The following NAP1L1 variants were observed in gnomAD, a reference collection of about 807,000 sequenced individuals.
NAP1L1 encodes nucleosome assembly protein 1-like 1.
In NAP1L1, 9 loss-of-function variants were observed where a neutral mutation model predicts 58.9. That is an observed-to-expected ratio of 0.15 (90% CI 0.09 to 0.27). NAP1L1 has a LOEUF of 0.27. Among genes scored for constraint, NAP1L1 ranks in the 10% least tolerant of loss-of-function variants. The pLI is 1.00. For synonymous variants in NAP1L1, 130 were observed against 138.3 expected (o/e 0.94, Z 0.42); for missense variants, 302 against 458.8 (o/e 0.66, Z 3.12).
intron 1 of NAP1L1, chr12:76,083,722 CCCTT>C (rs1555188333): frequency 1.3e-5 from 2 of 152,196 alleles, no homozygotes; most frequent in Non-Finnish European, 2.9e-5. Context: ...GCAGTGGAGG[CCCTT>C]CCTTATCATC....
At chr12:76,080,782 C>T (rs139737703) in intron 1 of NAP1L1, among the ~76,000 whole-genome samples, 90 of 152,304 alleles carry the variant, frequency 5.9e-4, no homozygotes, top group Admixed American at 1.2e-3. Flanking sequence ...GAAATTTAAT[C>T]CCCTATGTGG....
rs140657124 is a variant in NAP1L1, at chr12:76,075,345, T to C, written c.-20-1106A>G. Among the ~76,000 whole-genome samples the C allele has an allele frequency of 2.5e-3, 387 of 152,302 alleles. 5 individuals carry two copies. Among genetic ancestry groups the C allele is most frequent in the East Asian group, 5.6e-3 (29 of 5,188 alleles). On this transcript the variant is annotated intron_variant, in intron 1 of 14. Transcript: ENST00000618691. ...TATGAATAAATAGAATCAAGTTATC[T>C]GGTAAAAATTAAAATCTTAATACAT...
chr12:76,047,198 C>T lies in NAP1L1; in HGVS notation c.*1231G>A, dbSNP rs1948626776. Reference sequence around the variant, plus strand: ...TTGAGAAACATTATATGAGATTTAACTCAATATGCCTTAACACATCCATGA... The same window carrying T: ...TTGAGAAACATTATATGAGATTTAATTCAATATGCCTTAACACATCCATGA... On this transcript the variant is annotated 3_prime_UTR_variant, in exon 15 of 15. Coordinates refer to ENST00000618691, the MANE Select transcript of NAP1L1 (RefSeq NM_004537.7). 1.3e-5 allele frequency: 2 copies of T among 152,386 alleles called. No individual in the cohort carries two copies. The highest frequency in any genetic ancestry group is 2.9e-5 in the Non-Finnish European group (2 of 67,900). 9.4% of individuals were successfully genotyped at this position (152,386 alleles called of 1,614,324 possible).
At chr12:76,078,679 T>C (rs1038518354) in intron 1 of NAP1L1, among the ~76,000 whole-genome samples, 40 of 152,230 alleles carry the variant, frequency 2.6e-4, no homozygotes, top group African/African-American at 9.6e-4. Context: ...TCAAACTAAA[T>C]GGGCTGGCTT....
rs1017392388 is a variant in NAP1L1, at chr12:76,053,678, T to C, written c.770+92A>G. The C allele has an allele frequency of 1.8e-5, 25 of 1,411,096 alleles. No homozygotes were observed. In the Admixed American group the frequency reaches 3.2e-4, roughly 18 times the overall value. The allele number at this position is 1,411,096 out of a possible 1,614,324, so 87.4% of individuals were successfully genotyped here. A position where few individuals can be genotyped will look rare whatever the true frequency, so the allele number is the denominator to read the frequency against. On this transcript the variant is annotated intron_variant, in intron 9 of 14. Coordinates refer to ENST00000618691, the MANE Select transcript of NAP1L1 (RefSeq NM_004537.7). The stretch of plus-strand genomic sequence containing the variant: ...TACCAAAATGTTCAGAGACAGACTA[T>C]GTACATATGTAACTGAAAATAACCG...
In NAP1L1 at chr12:76,048,317, A is replaced by C; in HGVS notation, c.*112T>G. The C allele has an allele frequency of 7.9e-7, 1 of 1,270,578 alleles. No homozygotes were observed. The highest frequency in any genetic ancestry group is 1.1e-6 in the Non-Finnish European group (1 of 902,540). The allele number at this position is 1,270,578 out of a possible 1,614,324, so 78.7% of individuals were successfully genotyped here. A position where few individuals can be genotyped will look rare whatever the true frequency, so the allele number is the denominator to read the frequency against. ...AATATCAGTTTCCTGTCCTTTAAAA[A>C]AAAATTACCTAGTCTACCAAGAAAA... is the stretch of plus-strand genomic sequence containing the variant. On this transcript the variant is annotated 3_prime_UTR_variant, in exon 15 of 15. Coordinates refer to ENST00000618691, the MANE Select transcript of NAP1L1 (RefSeq NM_004537.7).
At chr12:76,083,862 A>C (rs1399727440) in intron 1 of NAP1L1, 1 of 152,272 alleles carries the variant, frequency 6.6e-6, no homozygotes, top group Non-Finnish European at 1.5e-5. Flanking sequence ...CCGTCTCTAC[A>C]ACTTTCAAAG....
intron 4 of NAP1L1, among the ~76,000 whole-genome samples, chr12:76,063,848 G>C (rs866788745): frequency 1.6e-5 from 2 of 121,594 alleles, no homozygotes; most frequent in African/African-American, 6.3e-5. Flanking sequence ...CAGATGAAAA[G>C]ATGGAAAAAA....
rs143027962 is a variant in NAP1L1, at chr12:76,058,166, T to C, written c.429+1632A>G. 3.8e-3 allele frequency: 2,322 copies of C among 617,574 alleles called. 54 individuals are homozygous for C. The highest frequency in any genetic ancestry group is 0.036 in the African/African-American group (1,802 of 50,620). The allele number at this position is 617,574 out of a possible 1,614,324, so 38.3% of individuals were successfully genotyped here. A position where few individuals can be genotyped will look rare whatever the true frequency, so the allele number is the denominator to read the frequency against. On this transcript the variant is annotated intron_variant, in intron 6 of 14. Coordinates refer to ENST00000618691, the MANE Select transcript of NAP1L1 (RefSeq NM_004537.7). The stretch of plus-strand genomic sequence containing the variant: ...TGTAGTTAATGGCCTGAACTGACAG[T>C]AGATATGGCCAAAGGGAGAGAGGCC...
At chr12:76,071,677 G>C (rs761823675) in intron 2 of NAP1L1, among the ~76,000 whole-genome samples, 3 of 152,116 alleles carry the variant, frequency 2.0e-5, no homozygotes, top group Non-Finnish European at 2.9e-5. Flanking sequence ...ACTAGGGCAA[G>C]GGGTGGGACA....
Position 76,056,104 on chromosome 12 carries a change from C to T in NAP1L1, c.487G>A (p.Asp163Asn), listed in dbSNP as rs762407693. The T allele has an allele frequency of 1.9e-6, 3 of 1,612,712 alleles. No homozygotes were observed. The highest frequency in any genetic ancestry group is 4.5e-5 in the East Asian group (2 of 44,768). Residue 163 changes from aspartate to asparagine, a missense_variant, in exon 7 of 15, where the codon GAC becomes AAC. Asp to Asn is a conservative substitution (Grantham distance 23). Transcript: ENST00000618691. ...CAAAATTCAGGAATTCCTTTGGGGT[C>T]TTCTTTTTCTTCATCTTTTTTCTCA... ...EDEKKDEEKE[D>N]PKGIPEFWLT...
intron 4 of NAP1L1, among the ~76,000 whole-genome samples, chr12:76,063,389 A>G (rs1480231509): frequency 6.6e-6 from 1 of 152,216 alleles, no homozygotes; most frequent in Non-Finnish European, 1.5e-5. Context: ...ATCCAATGGG[A>G]AGCAGAAAAG....
chr12:76,057,042 C>T, intron 6 of NAP1L1: 1 of 189,426 alleles, frequency 5.3e-6, no homozygotes, highest in South Asian at 9.6e-5. Flanking sequence ...GGTTCAAGCC[C>T]ATAATCCCAA....
intron 4 of NAP1L1, chr12:76,060,989 A>G (rs1390464538): frequency 1.7e-5 from 7 of 401,992 alleles, no homozygotes; most frequent in Non-Finnish European, 3.5e-5. Context: ...GCCACTTGGA[A>G]GGCTAAGATG....
intron 1 of NAP1L1, among the ~76,000 whole-genome samples, chr12:76,084,275 C>A (rs1057214399): frequency 2.6e-5 from 4 of 152,186 alleles, no homozygotes; most frequent in Admixed American, 2.0e-4. Context: ...CTCCGGTCCA[C>A]GCGGAAAAGA....
At chr12:76,054,432 T>G (rs952807307) in intron 8 of NAP1L1, among the ~76,000 whole-genome samples, 3 of 152,166 alleles carry the variant, frequency 2.0e-5, no homozygotes, top group Non-Finnish European at 4.4e-5. Flanking sequence ...TTGAACTGAA[T>G]AGAACTTAGT....
intron 10 of NAP1L1, 30 bp downstream of exon 10, chr12:76,053,175 C>T (rs768688220): frequency 6.2e-6 from 10 of 1,612,288 alleles, no homozygotes; most frequent in Non-Finnish European, 6.8e-6. Flanking sequence ...ATAAAACAAC[C>T]GTTAATACTC....
At chr12:76,051,901 CTACTCGGGA>C (rs1177436549) in intron 11 of NAP1L1, among the ~76,000 whole-genome samples, 1 of 152,004 alleles carries the variant, frequency 6.6e-6, no homozygotes, top group African/African-American at 2.4e-5. Flanking sequence ...GTAATCCCAG[CTACTCGGGA>C]GGCTGAGGCA....
rs1239931170 is a variant in NAP1L1, at chr12:76,054,876, G to A, written c.630+143C>T. On this transcript the variant is annotated intron_variant, in intron 8 of 14. Transcript: ENST00000618691. ...AGAAGGAGGAAAAGGAATAAATACTGCCTCACAATTAGCAGCATCCAAATA... is the reference window on the plus strand; with the variant it reads ...AGAAGGAGGAAAAGGAATAAATACTACCTCACAATTAGCAGCATCCAAATA... 8.5e-6 allele frequency: 4 copies of A among 468,556 alleles called. No homozygotes were observed. In the East Asian group the frequency reaches 1.3e-4, roughly 16 times the overall value. The allele number at this position is 468,556 out of a possible 1,614,324, so 29.0% of individuals were successfully genotyped here. A position where few individuals can be genotyped will look rare whatever the true frequency, so the allele number is the denominator to read the frequency against.
Sources: gnomAD v4.1 joint callset for allele counts (sites outside exome capture counted in the v4.1 genomes callset) on GRCh38, gnomAD v4.1.1 for gene constraint, MANE v1.5 for transcripts, NCBI Gene and HGNC (gene_info 2026-07-23, HGNC 2026-07-21) for gene names.